The following PDE4D variants were observed in gnomAD, a reference collection of about 807,000 sequenced individuals.
PDE4D encodes phosphodiesterase 4D.
PDE4D carries 24 observed loss-of-function variants against 87.4 expected under a neutral mutation model. The observed-to-expected ratio is 0.27, with a 90% CI of 0.20 to 0.39. PDE4D has a LOEUF of 0.39. Among genes scored for constraint, PDE4D ranks in the 10% least tolerant of loss-of-function variants. The probability of loss-of-function intolerance (pLI) is 1.00; values close to 1 mark genes in which losing one functional copy is unlikely to be tolerated. For missense variants in PDE4D, 714 were observed against 1,041.0 expected, an observed-to-expected ratio of 0.69 and a Z score of 4.32; for synonymous variants, 384 against 383.2, an observed-to-expected ratio of 1.00 and a Z score of -0.02.
chr5:60,422,024 C>T (rs1444277637), intron 1 of PDE4D, among the ~76,000 whole-genome samples: 2 of 152,118 alleles, frequency 1.3e-5, no homozygotes, highest in East Asian at 1.9e-4. Context: ...AACAAAGCCT[C>T]CAAGAAATAT....
chr5:59,802,173 A>G (rs1767204025), intron 1 of PDE4D, among the ~76,000 whole-genome samples: 1 of 152,166 alleles, frequency 6.6e-6, no homozygotes, highest in Non-Finnish European at 1.5e-5. Flanking sequence ...ATCACAGCCC[A>G]CATCAATTAG....
chr5:59,749,572 T>C lies in PDE4D; in HGVS notation c.455+143596A>G, dbSNP rs1440189841. On this transcript the variant is annotated intron_variant, in intron 1 of 14. Transcript: ENST00000340635. ...AGCCACTTATTTCTCCTGAAACAGT[T>C]TGTTCATTTGGCCTCCAGATATCAC... Among the ~76,000 whole-genome samples, 6 of 152,154 alleles carry C rather than the reference T, an allele frequency of 3.9e-5. No homozygotes were observed. In the East Asian group the frequency reaches 1.2e-3, roughly 29 times the overall value.
chr5:59,731,922 G>A (rs536199538), intron 1 of PDE4D, among the ~76,000 whole-genome samples: 1 of 152,214 alleles, frequency 6.6e-6, no homozygotes, highest in Admixed American at 6.5e-5. Flanking sequence ...TGTTGTTCTT[G>A]TATTTCATGG....
At chr5:60,309,080 G>C (rs1380503695) in intron 1 of PDE4D, among the ~76,000 whole-genome samples, 1 of 152,062 alleles carries the variant, frequency 6.6e-6, no homozygotes, top group African/African-American at 2.4e-5. Flanking sequence ...AGTTTACTCT[G>C]AGTTCTTGGT....
chr5:59,931,345 A>G (rs1191606650), intron 3 of PDE4D, among the ~76,000 whole-genome samples: 1 of 152,190 alleles, frequency 6.6e-6, no homozygotes, highest in African/African-American at 2.4e-5. Flanking sequence ...GTGTATGTTG[A>G]TTAATTTGGT....
At chr5:59,648,907 C>T (rs765725255) in intron 1 of PDE4D, among the ~76,000 whole-genome samples, 6 of 152,106 alleles carry the variant, frequency 3.9e-5, no homozygotes, top group Admixed American at 2.0e-4. Flanking sequence ...TCCTAGGCAA[C>T]AAGGAAAGAG....
chr5:60,291,662 A>G (rs1440726824), intron 1 of PDE4D, among the ~76,000 whole-genome samples: 1 of 152,062 alleles, frequency 6.6e-6, no homozygotes, highest in East Asian at 1.9e-4. Flanking sequence ...AAACTAAAAC[A>G]ATGAGATTCT....
At chr5:60,442,441 G>A (rs1745307783) in intron 1 of PDE4D, among the ~76,000 whole-genome samples, 1 of 152,144 alleles carries the variant, frequency 6.6e-6, no homozygotes, top group Non-Finnish European at 1.5e-5. Context: ...GGCCTGTCAG[G>A]GGGTGGGGGG....
chr5:59,812,831 G>A (rs182675911), intron 1 of PDE4D, among the ~76,000 whole-genome samples: 1 of 152,328 alleles, frequency 6.6e-6, no homozygotes, highest in East Asian at 1.9e-4. Flanking sequence ...CTTATTAGCA[G>A]CTCAAACAGC....
chr5:59,905,470 C>T (rs769045082), intron 3 of PDE4D, among the ~76,000 whole-genome samples: 6 of 152,054 alleles, frequency 3.9e-5, no homozygotes, highest in Non-Finnish European at 8.8e-5. Flanking sequence ...AAATATTATT[C>T]ATTCTTAAAA....
chr5:59,988,217 T>C (rs1242144441), intron 3 of PDE4D: 2 of 332,382 alleles, frequency 6.0e-6, no homozygotes, highest in African/African-American at 4.2e-5. Flanking sequence ...TGGCCAATAT[T>C]AATTTTCCAA....
At position 59,180,623 on chromosome 5, in the gene PDE4D, T is replaced by C; in HGVS notation, c.780A>G (p.Gln260=). The C allele has an allele frequency of 6.2e-7, 1 of 1,613,388 alleles. No homozygotes were observed. Among genetic ancestry groups the C allele is most frequent in the East Asian group, 2.2e-5 (1 of 44,828 alleles). ...APSKRSPMCN[Q]PSINKATITE... ...TTATGGTGGCTTTGTTGATGGATGG[T>C]TGGTTGCACATGGGTGATCTTCTGA... The change falls in exon 5 of 15, where the codon CAA becomes CAG. Residue 260 remains glutamine (Q), a synonymous_variant. Transcript: ENST00000340635.
chr5:60,417,758 T>C (rs536159406), intron 1 of PDE4D, among the ~76,000 whole-genome samples: 3 of 152,294 alleles, frequency 2.0e-5, no homozygotes, highest in South Asian at 4.1e-4. Flanking sequence ...TGAGTGTTGA[T>C]TCCACAAGTA....
At chr5:59,451,420 T>A (rs1016691697) in intron 1 of PDE4D, among the ~76,000 whole-genome samples, 5 of 152,186 alleles carry the variant, frequency 3.3e-5, no homozygotes, top group Non-Finnish European at 7.3e-5. Context: ...TTGGTCTGCA[T>A]CTGCCTCCTG....
At chr5:59,853,602 AT>A (rs1744993775) in intron 1 of PDE4D, among the ~76,000 whole-genome samples, 1 of 152,080 alleles carries the variant, frequency 6.6e-6, no homozygotes, top group Admixed American at 6.6e-5. Flanking sequence ...TATTAAAATT[AT>A]TTTTAAGCTA....
At chr5:60,326,101 G>A (rs1756765196) in intron 1 of PDE4D, among the ~76,000 whole-genome samples, 1 of 152,060 alleles carries the variant, frequency 6.6e-6, no homozygotes, top group African/African-American at 2.4e-5. Flanking sequence ...AGTTTTAGGC[G>A]ATTATAAATA....
chr5:59,152,995 G>A (rs1779669410), intron 5 of PDE4D, among the ~76,000 whole-genome samples: 1 of 152,088 alleles, frequency 6.6e-6, no homozygotes, highest in South Asian at 2.1e-4. Flanking sequence ...AGAGATCAGA[G>A]ATCTATTCTT....
intron 2 of PDE4D, among the ~76,000 whole-genome samples, chr5:60,095,935 G>A (rs903742857): frequency 6.6e-6 from 1 of 151,732 alleles, no homozygotes; most frequent in Non-Finnish European, 1.5e-5. Context: ...TTTTTAATGG[G>A]GTTCTTTGTT....
intron 1 of PDE4D, among the ~76,000 whole-genome samples, chr5:60,190,202 A>G (rs1463322337): frequency 6.6e-6 from 1 of 152,242 alleles, no homozygotes; most frequent in African/African-American, 2.4e-5. Context: ...AAAAGTTAAA[A>G]GAAAAGAAAC....
Sources: gnomAD v4.1 joint callset for allele counts (sites outside exome capture counted in the v4.1 genomes callset) on GRCh38, gnomAD v4.1.1 for gene constraint, MANE v1.5 for transcripts, NCBI Gene and HGNC (gene_info 2026-07-23, HGNC 2026-07-21) for gene names.